ALOX5: variants seen among roughly 807,000 people sequenced by gnomAD.
The protein encoded by ALOX5 is arachidonate 5-lipoxygenase.
A neutral mutation model predicts 87.9 loss-of-function variants in ALOX5; 64 were observed. The ratio of observed to expected loss-of-function variants is 0.73; its 90% CI spans 0.60 to 0.90. The LOEUF is 0.90. Among genes scored for constraint, ALOX5 ranks in the 40% least tolerant of loss-of-function variants. ALOX5 has a pLI of 0.00. For synonymous variants in ALOX5, 388 were observed against 355.1 expected, an observed-to-expected ratio of 1.09 and a Z score of -1.04; for missense variants, 822 against 907.5, an observed-to-expected ratio of 0.91 and a Z score of 1.21.
rs183253861 is a variant in ALOX5 at position 45,439,070 on chromosome 10, A to C, written c.982-1360A>C. Among the ~76,000 whole-genome samples, 206 of 152,328 alleles carry C rather than the reference A, an allele frequency of 1.4e-3. 1 individual carries two copies. Among genetic ancestry groups the C allele is most frequent in the African/African-American group, 4.7e-3 (196 of 41,572 alleles). Reference sequence around the variant, plus strand: ...AATAAGGAGGTGGGGAATGTGAAATATCTCATTTAATAGTTTTAGATTGGT... The same window carrying C: ...AATAAGGAGGTGGGGAATGTGAAATCTCTCATTTAATAGTTTTAGATTGGT... On this transcript the variant is annotated intron_variant, in intron 7 of 13. Coordinates refer to ENST00000374391, the MANE Select transcript of ALOX5 (RefSeq NM_000698.5).
At position 45,425,486 on chromosome 10, in the gene ALOX5, G is replaced by A. The variant is rs2132809412; in HGVS notation, c.834+354G>A. On this transcript the variant is annotated intron_variant, in intron 6 of 13. Coordinates refer to ENST00000374391, the MANE Select transcript of ALOX5 (RefSeq NM_000698.5). The surrounding 1 kb of genome is among the most constrained non-coding windows in gnomAD (Gnocchi z 4.4). Reference sequence around the variant, plus strand: ...AGGTGCTTTACACACAAGGTCATCAGTTGTCACCCACCTTGCAAAGGGGAG... The same window carrying A: ...AGGTGCTTTACACACAAGGTCATCAATTGTCACCCACCTTGCAAAGGGGAG... Among the ~76,000 whole-genome samples, 1 of 152,294 alleles carries A rather than the reference G, an allele frequency of 6.6e-6. No individual in the cohort carries two copies. The highest frequency in any genetic ancestry group is 2.1e-4 in the South Asian group (1 of 4,826).
chr10:45,439,162 T>A (rs1842145234), intron 7 of ALOX5, among the ~76,000 whole-genome samples: 1 of 152,258 alleles, frequency 6.6e-6, no homozygotes, highest in Non-Finnish European at 1.5e-5. Context: ...CACCGGCATT[T>A]CACCTGTTTC....
chr10:45,412,362 G>A (rs1382509958), intron 4 of ALOX5, 49 bp downstream of exon 4: 2 of 1,606,864 alleles, frequency 1.2e-6, no homozygotes, highest in East Asian at 2.2e-5. Context: ...CCAGTGGCTG[G>A]TGCTGGGGGT....
At chr10:45,396,145 A>G (rs1299974765) in intron 3 of ALOX5, among the ~76,000 whole-genome samples, 3 of 152,212 alleles carry the variant, frequency 2.0e-5, no homozygotes, top group Non-Finnish European at 4.4e-5. Flanking sequence ...AATGAAAATA[A>G]CTTTGGATCA....
At chr10:45,375,306 G>T in intron 1 of ALOX5, among the ~76,000 whole-genome samples, 1 of 152,128 alleles carries the variant, frequency 6.6e-6, no homozygotes, top group East Asian at 1.9e-4. Flanking sequence ...CCAGCCCCAC[G>T]ACTCTTTTCC....
rs768662602 is a variant in ALOX5 at position 45,395,956 on chromosome 10, C to T, written c.431+20C>T. 8 of 1,609,506 alleles carry T rather than the reference C, an allele frequency of 5.0e-6. No homozygotes were observed. The highest frequency in any genetic ancestry group is 1.7e-4 in the Middle Eastern group (1 of 6,054). ...ATATCGGTGAGTTATGACATCAGAT[C>T]GAGTGGCCACGGGGCCATGGTTTCT... On this transcript the variant is annotated intron_variant, in intron 3 of 13. Coordinates refer to ENST00000374391, the MANE Select transcript of ALOX5 (RefSeq NM_000698.5).
chr10:45,430,567 T>G (rs1264146867), intron 7 of ALOX5, among the ~76,000 whole-genome samples: 1 of 151,854 alleles, frequency 6.6e-6, no homozygotes, highest in African/African-American at 2.4e-5. Context: ...TGTAGTGTGC[T>G]ATGATCACAC....
intron 7 of ALOX5, among the ~76,000 whole-genome samples, chr10:45,436,869 T>A (rs1416679361): frequency 6.6e-6 from 1 of 152,146 alleles, no homozygotes; most frequent in Non-Finnish European, 1.5e-5. Flanking sequence ...TGTTTTTCCA[T>A]TTTTTTGTGT....
At chr10:45,402,965 G>C (rs544574257) in intron 3 of ALOX5, among the ~76,000 whole-genome samples, 2 of 152,332 alleles carry the variant, frequency 1.3e-5, no homozygotes, top group Admixed American at 1.3e-4. Context: ...TATGCCCCCA[G>C]ATGGGCAACA....
chr10:45,443,587 G>T, intron 11 of ALOX5, 50 bp downstream of exon 11: 1 of 1,599,330 alleles, frequency 6.3e-7, no homozygotes, highest in Non-Finnish European at 8.5e-7. Context: ...AGTCGGCAGC[G>T]CTGGCCCCTC....
At chr10:45,421,674 AGACC>A (rs1382632956) in intron 4 of ALOX5, among the ~76,000 whole-genome samples, 1 of 152,246 alleles carries the variant, frequency 6.6e-6, no homozygotes, top group Non-Finnish European at 1.5e-5. Context: ...AGCCATGGTG[AGACC>A]ACAGCAGCCT....
In ALOX5 at chr10:45,424,993, T is replaced by G. The variant is rs754054670; in HGVS notation, c.695T>G (p.Met232Arg). Residue 232 changes from methionine (M) to arginine (R), a missense_variant, in exon 6 of 14, where the codon ATG becomes AGG. Physicochemically the swap from Met to Arg is moderately conservative, Grantham distance 91. Transcript: ENST00000374391. ...RVMNHWQEDL[M>R]FGYQFLNGCN... ...ATGAATCACTGGCAGGAAGACCTGA[T>G]GTTTGGCTACCAGTTCCTGAATGGC... 6.2e-7 allele frequency: 1 copy of G among 1,614,222 alleles called. No individual in the cohort carries two copies. Among genetic ancestry groups the G allele is most frequent in the Middle Eastern group, 1.7e-4 (1 of 6,060 alleles).
chr10:45,386,687 A>G (rs1167426411), intron 2 of ALOX5, among the ~76,000 whole-genome samples: 1 of 152,026 alleles, frequency 6.6e-6, no homozygotes, highest in African/African-American at 2.4e-5. Context: ...TCTGTGTTGA[A>G]AAGTAAGTTT....
intron 1 of ALOX5, among the ~76,000 whole-genome samples, chr10:45,379,630 C>T (rs915464015): frequency 3.9e-5 from 6 of 152,194 alleles, no homozygotes; most frequent in African/African-American, 1.4e-4. Flanking sequence ...GGGCCTGGTG[C>T]CCTGCAACCC....
chr10:45,387,476 C>T (rs181616872), intron 2 of ALOX5, among the ~76,000 whole-genome samples: 121 of 152,284 alleles, frequency 7.9e-4, no homozygotes, highest in Non-Finnish European at 1.3e-3. Context: ...TTTAAAGATA[C>T]CCACCAAGGG....
chr10:45,411,899 C>T (rs1175061129), intron 3 of ALOX5, among the ~76,000 whole-genome samples: 1 of 152,186 alleles, frequency 6.6e-6, no homozygotes, highest in Non-Finnish European at 1.5e-5. Flanking sequence ...AGTGAGGTCT[C>T]CCTAGACTAC....
Position 45,382,545 on chromosome 10 carries a change from G to A in ALOX5, c.213G>A (p.Glu71=). Residue 71 remains glutamate, a synonymous_variant, in exon 2 of 14, where the codon GAG becomes GAA. Transcript: ENST00000374391. Reference sequence around the variant, plus strand: ...GCGAGATCCAGCTGGTCAGAATCGAGAAGCGCAAGTACTGGCTGAATGACG... The same window carrying A: ...GCGAGATCCAGCTGGTCAGAATCGAAAAGCGCAAGTACTGGCTGAATGACG... The part of the protein sequence containing the change: ...ELGEIQLVRI[E]KRKYWLNDDW... The A allele has an allele frequency of 6.2e-7, 1 of 1,614,230 alleles. No homozygotes were observed. The highest frequency in any genetic ancestry group is 1.1e-5 in the South Asian group (1 of 91,092).
intron 2 of ALOX5, among the ~76,000 whole-genome samples, chr10:45,384,358 A>T (rs1038739649): frequency 1.3e-5 from 2 of 152,184 alleles, no homozygotes; most frequent in African/African-American, 4.8e-5. Context: ...AGCAAGTTCC[A>T]TTCTCTCTAC....
intron 3 of ALOX5, among the ~76,000 whole-genome samples, chr10:45,403,171 T>C (rs1840761031): frequency 6.6e-6 from 1 of 152,212 alleles, no homozygotes; most frequent in African/African-American, 2.4e-5. Flanking sequence ...CATGTGCGCC[T>C]GGATACTCAC....
Sources: allele counts gnomAD v4.1 joint callset (sites outside exome capture counted in the v4.1 genomes callset), GRCh38; gene constraint gnomAD v4.1.1; non-coding constraint Gnocchi (gnomAD v3.1); transcripts MANE v1.5; gene names NCBI Gene and HGNC (gene_info 2026-07-23, HGNC 2026-07-21).